PPARGC1B: variants seen among roughly 807,000 people sequenced by gnomAD.
PPARGC1B encodes the protein PPARG coactivator 1 beta, also known as peroxisome proliferator-activated receptor gamma coactivator 1-beta.
A neutral mutation model predicts 101.6 loss-of-function variants in PPARGC1B; 34 were observed. That is an observed-to-expected ratio of 0.33 (90% confidence interval 0.25 to 0.45). The LOEUF is 0.45. Among genes scored for constraint, PPARGC1B ranks in the 20% least tolerant of loss-of-function variants. The pLI is 1.00. For synonymous variants in PPARGC1B, 548 were observed against 539.3 expected (o/e 1.02, Z -0.22); for missense variants, 1,234 against 1,317.6 (o/e 0.94, Z 0.98).
chr5:149,797,991 G>C (rs1274158282), intron 1 of PPARGC1B, among the ~76,000 whole-genome samples: 1 of 151,956 alleles, frequency 6.6e-6, no homozygotes, highest in Non-Finnish European at 1.5e-5. Context: ...GAAGTTTATA[G>C]GCTTCATCAG....
intron 1 of PPARGC1B, chr5:149,818,949 A>C: frequency 4.4e-6 from 2 of 450,236 alleles, no homozygotes; most frequent in Non-Finnish European, 8.9e-6. Flanking sequence ...GCCAGGCCCC[A>C]GGGCCAACAG....
In PPARGC1B at chr5:149,837,194, C is replaced by A. The variant is rs1249872210; in HGVS notation, c.2618+121C>A. ...TGCTCTGAAACTGAGGCTGCATCTC[C>A]CAGTGTGGCCCATGTCTTGGTCAGG... On this transcript the variant is annotated intron_variant, in intron 8 of 11. Transcript: ENST00000309241. The surrounding 1 kb of genome is among the most constrained non-coding windows in gnomAD (Gnocchi z 4.2). The A allele has an allele frequency of 7.7e-6, 11 of 1,421,004 alleles. No homozygotes were observed. The East Asian group carries it at 2.6e-4, about 34-fold the overall frequency. 88.0% of individuals were successfully genotyped at this position (1,421,004 alleles called of 1,614,324 possible). A position where few individuals can be genotyped will look rare whatever the true frequency, so the allele number is the denominator to read the frequency against.
intron 1 of PPARGC1B, among the ~76,000 whole-genome samples, chr5:149,805,068 AGCTTCCTCCTTCGTGATGTTGCCTGG>A (rs1757551926): frequency 1.3e-5 from 2 of 152,182 alleles, no homozygotes; most frequent in South Asian, 4.2e-4. Flanking sequence ...TCTTGATGGG[AGCTTCCTCCTTCGTGATGTTGCCTGG>A]GCTTCTGGAA....
At position 149,853,955 on chromosome 5, in the gene PPARGC1B, G is replaced by T. The variant is rs1005998161; in HGVS notation, c.*6397G>T. 1 of 152,102 alleles carries T rather than the reference G, an allele frequency of 6.6e-6. No individual in the cohort carries two copies. Among genetic ancestry groups the T allele is most frequent in the Non-Finnish European group, 1.5e-5 (1 of 68,032 alleles). The allele number at this position is 152,102 out of a possible 1,614,324, so 9.4% of individuals were successfully genotyped here. A position where few individuals can be genotyped will look rare whatever the true frequency, so the allele number is the denominator to read the frequency against. On this transcript the variant is annotated 3_prime_UTR_variant, in exon 12 of 12. Coordinates refer to ENST00000309241, the MANE Select transcript of PPARGC1B (RefSeq NM_133263.4). This position sits in a 1 kb window ranked among gnomAD's most constrained non-coding sequence, Gnocchi z 4.2. ...GCCATGTTGTTAGCATTGGCTTGGA[G>T]CATCTGCTTCTTCCAGAGGCAGCTG...
intron 7 of PPARGC1B, 51 bp downstream of exon 7, chr5:149,835,416 A>C (rs774238601): frequency 6.5e-5 from 100 of 1,533,184 alleles, no homozygotes; most frequent in Admixed American, 1.2e-4. Context: ...ACACCCGTGC[A>C]TCTCTGAGTT....
At position 149,802,749 on chromosome 5, in the gene PPARGC1B, C is replaced by T. The variant is rs188868010; in HGVS notation, c.79-17684C>T. ...ATGGTCACATGATAAGGATCTGACT[C>T]GATTTAAAATTTTTGGCTTCCCAAA... On this transcript the variant is annotated intron_variant, in intron 1 of 11. Coordinates refer to ENST00000309241, the MANE Select transcript of PPARGC1B (RefSeq NM_133263.4). Among the ~76,000 whole-genome samples, 449 of 152,074 alleles carry T rather than the reference C, an allele frequency of 3.0e-3. 4 individuals are homozygous for T. The highest frequency in any genetic ancestry group is 0.01 in the African/African-American group (426 of 41,484).
rs780024412 is a variant in PPARGC1B at position 149,826,701 on chromosome 5, C to A, written c.281C>A (p.Ala94Glu). The A allele has an allele frequency of 1.9e-6, 3 of 1,613,862 alleles. No individual in the cohort carries two copies. The highest frequency in any genetic ancestry group is 1.1e-5 in the South Asian group (1 of 91,066). Residue 94 changes from alanine (A) to glutamate (E), a missense_variant, in exon 3 of 12, where the codon GCA becomes GAA. Coordinates refer to ENST00000309241, the MANE Select transcript of PPARGC1B (RefSeq NM_133263.4). ...QIDSENEALL[A>E]ELTKTLDDIP... ...GACAGTGAGAATGAGGCCCTCCTGGCAGAGCTCACCAAGACCCTGGATGAC... is the reference window on the plus strand; with the variant it reads ...GACAGTGAGAATGAGGCCCTCCTGGAAGAGCTCACCAAGACCCTGGATGAC...
intron 1 of PPARGC1B, among the ~76,000 whole-genome samples, chr5:149,815,222 G>A (rs80069564): frequency 0.075 from 11,353 of 152,156 alleles, 565 homozygotes; most frequent in Admixed American, 0.15. Context: ...TAAACCCCCA[G>A]TGCCTCAGAA....
At chr5:149,826,997 C>A in intron 3 of PPARGC1B, 112 bp downstream of exon 3, 1 of 834,366 alleles carries the variant, frequency 1.2e-6, no homozygotes, top group Non-Finnish European at 1.9e-6. Context: ...CTCCGTGCAT[C>A]ACTGGCAATA....
intron 1 of PPARGC1B, among the ~76,000 whole-genome samples, chr5:149,779,171 T>C (rs975501853): frequency 1.3e-5 from 2 of 152,166 alleles, no homozygotes; most frequent in Non-Finnish European, 2.9e-5. Context: ...GAGTCCTGAA[T>C]TTTGAGTCTG....
At chr5:149,838,346 A>C (rs1244068326) in intron 8 of PPARGC1B, among the ~76,000 whole-genome samples, 1 of 152,172 alleles carries the variant, frequency 6.6e-6, no homozygotes, top group East Asian at 1.9e-4. Context: ...GGTCCGCAGC[A>C]ATTTCTCCAG....
rs1191104038 is a variant in PPARGC1B, at chr5:149,836,399, A to G, written c.1944A>G (p.Pro648=). Residue 648 remains proline, a synonymous_variant, in exon 8 of 12, where the codon CCA becomes CCG. Coordinates refer to ENST00000309241, the MANE Select transcript of PPARGC1B (RefSeq NM_133263.4). ...AGGGCCTCTCACTCAAGGCCACCCC[A>G]GGGGCTGCCCACAAGCTGCCAAAGA... is the stretch of plus-strand genomic sequence containing the variant. ...SPEGLSLKAT[P]GAAHKLPKKH... 5.0e-6 allele frequency: 8 copies of G among 1,613,922 alleles called. No individual in the cohort carries two copies. Among genetic ancestry groups the G allele is most frequent in the Non-Finnish European group, 6.8e-6 (8 of 1,180,018 alleles).
intron 2 of PPARGC1B, 80 bp downstream of exon 2, chr5:149,820,686 C>T (rs1581094065): frequency 7.2e-7 from 1 of 1,391,442 alleles, no homozygotes; most frequent in Non-Finnish European, 9.9e-7. Flanking sequence ...CCTGCTCTGC[C>T]TTCTCCTGCA....
At chr5:149,777,963 C>G (rs112198002) in intron 1 of PPARGC1B, among the ~76,000 whole-genome samples, 2 of 89,200 alleles carry the variant, frequency 2.2e-5, no homozygotes, top group Non-Finnish European at 4.5e-5. Context: ...CACACACACA[C>G]AGTATCCGGC....
chr5:149,785,578 A>G (rs891118034), intron 1 of PPARGC1B, among the ~76,000 whole-genome samples: 1 of 152,200 alleles, frequency 6.6e-6, no homozygotes, highest in South Asian at 2.1e-4. Flanking sequence ...GGTGCCAGGT[A>G]ATTATAGAGA....
intron 1 of PPARGC1B, among the ~76,000 whole-genome samples, chr5:149,734,321 CAAAAAAAAAAAAAA>C (rs1221455764): frequency 1.6e-5 from 1 of 64,514 alleles, no homozygotes; most frequent in Non-Finnish European, 2.8e-5. Flanking sequence ...AACTCATTCT[CAAAAAAAAAAAAAA>C]AAAAAAAAAA....
At chr5:149,856,045 A>T (rs1035284962), downstream of PPARGC1B, among the ~76,000 whole-genome samples, 9 of 152,166 alleles carry the variant, frequency 5.9e-5, no homozygotes, top group African/African-American at 1.4e-4. Flanking sequence ...TGAACCCGGG[A>T]GGCGGAGGTT....
At chr5:149,751,229 G>A (rs746217534) in intron 1 of PPARGC1B, among the ~76,000 whole-genome samples, 5 of 151,758 alleles carry the variant, frequency 3.3e-5, no homozygotes, top group African/African-American at 7.3e-5. Flanking sequence ...GCAGTTTAGC[G>A]GTTTTAAATG....
rs374712450 is a variant in PPARGC1B, at chr5:149,782,795, G to C, written c.79-37638G>C. On this transcript the variant is annotated intron_variant, in intron 1 of 11. Transcript: ENST00000309241. ...GCCAATCACAGGGCCGCTGCTCTAGGGTCCTGCACATTAGCAGGTTCCCTA... is the reference window on the plus strand; with the variant it reads ...GCCAATCACAGGGCCGCTGCTCTAGCGTCCTGCACATTAGCAGGTTCCCTA... Among the ~76,000 whole-genome samples, 165 of 152,332 alleles carry C rather than the reference G, an allele frequency of 1.1e-3. 8 individuals are homozygous for C. In the South Asian group the frequency reaches 0.033, roughly 30 times the overall value.
Sources: gnomAD v4.1 joint callset for allele counts (sites outside exome capture counted in the v4.1 genomes callset) on GRCh38, gnomAD v4.1.1 for gene constraint, Gnocchi (gnomAD v3.1) non-coding constraint, MANE v1.5 for transcripts, NCBI Gene and HGNC (gene_info 2026-07-23, HGNC 2026-07-21) for gene names.